Variants in NALF1 observed in about 807,000 individuals in gnomAD.
NALF1 encodes the protein family with sequence similarity 155 member A.
A neutral mutation model predicts 48.4 loss-of-function variants in NALF1; 3 were observed. That is an observed-to-expected ratio of 0.06 (90% CI 0.03 to 0.16). The LOEUF (loss-of-function observed/expected upper bound fraction) is 0.16. Among genes scored for constraint, NALF1 ranks in the 10% least tolerant of loss-of-function variants. NALF1 has a pLI of 1.00. For missense variants in NALF1, 526 were observed against 571.5 expected, an observed-to-expected ratio of 0.92 and a Z score of 0.81; for synonymous variants, 262 against 245.7, an observed-to-expected ratio of 1.07 and a Z score of -0.62.
chr13:107,627,938 A>T (rs963422934), intron 1 of NALF1, among the ~76,000 whole-genome samples: 2 of 152,160 alleles, frequency 1.3e-5, no homozygotes, highest in African/African-American at 4.8e-5. Context: ...AATAAATAAA[A>T]AATTTAATGA....
At chr13:107,308,465 GTGC>G (rs1275022231) in intron 1 of NALF1, among the ~76,000 whole-genome samples, 2 of 152,108 alleles carry the variant, frequency 1.3e-5, no homozygotes, top group Non-Finnish European at 2.9e-5. Flanking sequence ...GCCTCCCAAA[GTGC>G]TGGGATTACA....
intron 1 of NALF1, among the ~76,000 whole-genome samples, chr13:107,843,862 C>T (rs539205162): frequency 5.4e-4 from 82 of 152,140 alleles, no homozygotes; most frequent in Middle Eastern, 3.4e-3. Flanking sequence ...TGGAGAGAAA[C>T]GAAATGTTAG....
chr13:107,610,904 T>C (rs889878233), intron 1 of NALF1, among the ~76,000 whole-genome samples: 6 of 152,064 alleles, frequency 3.9e-5, no homozygotes, highest in Non-Finnish European at 7.4e-5. Flanking sequence ...GAGAATGACA[T>C]TGGCACTGTG....
At chr13:107,613,267 G>A (rs1317178541) in intron 1 of NALF1, among the ~76,000 whole-genome samples, 1 of 152,132 alleles carries the variant, frequency 6.6e-6, no homozygotes, top group Non-Finnish European at 1.5e-5. Context: ...ATATTAAGAG[G>A]CAACCAATGT....
chr13:107,634,030 A>G (rs1328759187), intron 1 of NALF1, among the ~76,000 whole-genome samples: 1 of 151,698 alleles, frequency 6.6e-6, no homozygotes. Context: ...GAGTTATTTG[A>G]ATTTTCATAT....
chr13:107,348,219 A>T (rs1213689051), intron 1 of NALF1, among the ~76,000 whole-genome samples: 2 of 152,226 alleles, frequency 1.3e-5, no homozygotes, highest in African/African-American at 4.8e-5. Context: ...TTCAGAAGAA[A>T]ATTAATAATC....
At chr13:107,605,894 G>A (rs546235750) in intron 1 of NALF1, among the ~76,000 whole-genome samples, 23 of 152,248 alleles carry the variant, frequency 1.5e-4, no homozygotes, top group African/African-American at 5.3e-4. Context: ...TTATGCACCA[G>A]TTAATTCATT....
At chr13:107,505,782 A>C (rs1250946204) in intron 1 of NALF1, among the ~76,000 whole-genome samples, 7 of 152,180 alleles carry the variant, frequency 4.6e-5, no homozygotes, top group Non-Finnish European at 1.0e-4. Flanking sequence ...AGCTGAGCAT[A>C]ACTTTGGAAG....
At chr13:107,439,306 T>C (rs1315314941) in intron 1 of NALF1, among the ~76,000 whole-genome samples, 1 of 152,150 alleles carries the variant, frequency 6.6e-6, no homozygotes, top group Admixed American at 6.5e-5. Context: ...AAAATACAAA[T>C]CAATTTCCTG....
rs72652716 is a variant in NALF1, at chr13:107,483,523, T to C, written c.916-272768A>G. Among the ~76,000 whole-genome samples, 641 of 152,304 alleles carry C rather than the reference T, an allele frequency of 4.2e-3. 3 individuals are homozygous for C. Among genetic ancestry groups the C allele is most frequent in the Non-Finnish European group, 7.1e-3 (483 of 68,016 alleles). ...TTACAGCAATCTATAAAGAGTATTT[T>C]TTATTTTTTAACCTGCATACAAAAC... is the stretch of plus-strand genomic sequence containing the variant. On this transcript the variant is annotated intron_variant, in intron 1 of 2. Transcript: ENST00000375915.
intron 1 of NALF1, among the ~76,000 whole-genome samples, chr13:107,213,388 C>T (rs758778238): frequency 1.2e-4 from 19 of 152,024 alleles, no homozygotes; most frequent in Admixed American, 8.5e-4. Context: ...TGAGCTATGA[C>T]GACCTCTCCG....
chr13:107,182,255 T>TGTGTGTGTCC (rs1555325206), intron 2 of NALF1, among the ~76,000 whole-genome samples: 55 of 132,582 alleles, frequency 4.1e-4, no homozygotes, highest in African/African-American at 1.3e-3. Flanking sequence ...TGTGTGTCCG[T>TGTGTGTGTCC]GTGTGTGTGT....
intron 1 of NALF1, among the ~76,000 whole-genome samples, chr13:107,526,147 C>T (rs928654897): frequency 6.6e-6 from 1 of 152,018 alleles, no homozygotes; most frequent in Non-Finnish European, 1.5e-5. Context: ...TTTTTACCAT[C>T]TCAATTTTCA....
chr13:107,667,032 C>A (rs889603655), intron 1 of NALF1, among the ~76,000 whole-genome samples: 2 of 152,086 alleles, frequency 1.3e-5, no homozygotes, highest in South Asian at 2.1e-4. Flanking sequence ...TTTTTGAAGA[C>A]CCCTCATAGA....
intron 1 of NALF1, among the ~76,000 whole-genome samples, chr13:107,548,679 T>G (rs1023742189): frequency 6.6e-6 from 1 of 152,052 alleles, no homozygotes; most frequent in Non-Finnish European, 1.5e-5. Context: ...TTCTGGGCCC[T>G]GACCTGCTCC....
chr13:107,344,349 AC>A (rs1882736123), intron 1 of NALF1, among the ~76,000 whole-genome samples: 1 of 152,180 alleles, frequency 6.6e-6, no homozygotes, highest in African/African-American at 2.4e-5. Context: ...GTCCATCATT[AC>A]TCTGATACAA....
chr13:107,265,498 C>A (rs1881021219), intron 1 of NALF1, among the ~76,000 whole-genome samples: 1 of 152,144 alleles, frequency 6.6e-6, no homozygotes, highest in African/African-American at 2.4e-5. Flanking sequence ...TGGCTCACTG[C>A]AACCTCAGCC....
At chr13:107,564,409 T>C (rs892214908) in intron 1 of NALF1, among the ~76,000 whole-genome samples, 3 of 152,184 alleles carry the variant, frequency 2.0e-5, no homozygotes, top group Non-Finnish European at 1.5e-5. Flanking sequence ...TCTTCCCACC[T>C]GTCCTGGAGT....
At chr13:107,657,386 C>A (rs1026133692) in intron 1 of NALF1, among the ~76,000 whole-genome samples, 1 of 152,022 alleles carries the variant, frequency 6.6e-6, no homozygotes, top group Non-Finnish European at 1.5e-5. Context: ...TAGAAAGTAA[C>A]CTGTTCAACT....
Sources: gnomAD v4.1 joint callset for allele counts (sites outside exome capture counted in the v4.1 genomes callset) on GRCh38, gnomAD v4.1.1 for gene constraint, MANE v1.5 for transcripts, NCBI Gene and HGNC (gene_info 2026-07-23, HGNC 2026-07-21) for gene names.